The following NAV2 variants were observed in gnomAD, a reference collection of about 807,000 sequenced individuals.
NAV2 encodes helicase, APC down-regulated 1.
In NAV2, 54 loss-of-function variants were observed where a neutral mutation model predicts 223.2. The observed-to-expected ratio is 0.24, with a 90% CI of 0.19 to 0.30. The LOEUF (loss-of-function observed/expected upper bound fraction) is 0.30, where lower values mean the gene tolerates loss of function less well. Among genes scored for constraint, NAV2 ranks in the 10% least tolerant of loss-of-function variants. NAV2 has a pLI of 1.00. For missense variants in NAV2, 2,806 were observed against 3,147.5 expected, an observed-to-expected ratio of 0.89 and a Z score of 2.60; for synonymous variants, 1,279 against 1,239.3, an observed-to-expected ratio of 1.03 and a Z score of -0.67.
At chr11:19,987,589 C>T (rs2050907407) in intron 11 of NAV2, among the ~76,000 whole-genome samples, 1 of 152,234 alleles carries the variant, frequency 6.6e-6, no homozygotes, top group Admixed American at 6.5e-5. Flanking sequence ...CTGTTTGCAG[C>T]AGAATGTGGC....
At chr11:20,106,175 A>ATATATATATATATGTGTGTGTGTG (rs11267537) in intron 35 of NAV2, among the ~76,000 whole-genome samples, 6 of 35,826 alleles carry the variant, frequency 1.7e-4, no homozygotes, top group Admixed American at 3.7e-4. Flanking sequence ...ATATATATAT[A>ATATATATATATATGTGTGTGTGTG]TGTGTGTGTA....
Position 19,713,114 on chromosome 11 carries a change from C to T in NAV2, c.-582C>T, listed in dbSNP as rs974256468. 3.1e-4 allele frequency among the ~76,000 whole-genome samples: 47 copies of T among 151,858 alleles called. 2 individuals carry two copies. Among genetic ancestry groups the T allele is most frequent in the Admixed American group, 3.0e-3 (45 of 15,250 alleles). On this transcript the variant is annotated 5_prime_UTR_variant, in exon 1 of 38. Transcript: ENST00000349880. The surrounding 1 kb of genome is among the most constrained non-coding windows in gnomAD (Gnocchi z 7.2). ...CTCTGCTGCGTCGCGGGTGACACTG[C>T]GGTGCTCGCGAGCAGGGTGGCAGCT... is the stretch of plus-strand genomic sequence containing the variant.
At chr11:19,681,430 C>T (rs1407017802) in intron 1 of NAV2, among the ~76,000 whole-genome samples, 1 of 151,994 alleles carries the variant, frequency 6.6e-6, no homozygotes, top group Non-Finnish European at 1.5e-5. Flanking sequence ...GCGTTTGAAC[C>T]CAGGTCTCTC....
chr11:19,679,291 C>T (rs1406715112), intron 1 of NAV2, among the ~76,000 whole-genome samples: 8 of 152,028 alleles, frequency 5.3e-5, no homozygotes, highest in East Asian at 1.9e-4. Flanking sequence ...TTTATCTGGA[C>T]GTGGTGGCAC....
chr11:19,739,025 A>G (rs111845651), intron 1 of NAV2, among the ~76,000 whole-genome samples: 8 of 151,636 alleles, frequency 5.3e-5, no homozygotes, highest in Middle Eastern at 3.4e-3. Flanking sequence ...TACAAAAAAT[A>G]CAAAAATTAG....
At chr11:19,636,163 T>C (rs2047494223) in intron 1 of NAV2, among the ~76,000 whole-genome samples, 1 of 152,248 alleles carries the variant, frequency 6.6e-6, no homozygotes, top group South Asian at 2.1e-4. Flanking sequence ...GATATGTCTG[T>C]TGTTGTCTTA....
chr11:19,861,675 C>T (rs2061800739), intron 3 of NAV2, among the ~76,000 whole-genome samples: 2 of 152,222 alleles, frequency 1.3e-5, no homozygotes, highest in Admixed American at 1.3e-4. Flanking sequence ...TGTGTTACAT[C>T]CTCTAAATAT....
In NAV2 at chr11:20,106,175, A is replaced by ATATATGTGTG. The variant is rs11267537; in HGVS notation, c.6841+449_6841+450insATATGTGTGT. ...TGTGTGTATATATATATATATATATATGTGTGTGTATATATATATATATAT... is the reference window on the plus strand; with the variant it reads ...TGTGTGTATATATATATATATATATATATATGTGTGTGTGTGTGTATATATATATATATAT... On this transcript the variant is annotated intron_variant, in intron 35 of 37. Coordinates refer to ENST00000349880, the MANE Select transcript of NAV2 (RefSeq NM_145117.5). Among the ~76,000 whole-genome samples the ATATATGTGTG allele has an allele frequency of 1.1e-3, 39 of 35,826 alleles. 8 individuals carry two copies. The South Asian group carries it at 0.011, about 10-fold the overall frequency. The allele number at this position is 35,826 out of a possible 152,430, so 23.5% of individuals were successfully genotyped here.
chr11:19,874,356 A>G (rs1203733370), intron 4 of NAV2, among the ~76,000 whole-genome samples: 1 of 152,246 alleles, frequency 6.6e-6, no homozygotes, highest in Non-Finnish European at 1.5e-5. Context: ...AAGAGAAAGA[A>G]CAGGGCTCCA....
intron 1 of NAV2, among the ~76,000 whole-genome samples, chr11:19,579,094 G>A (rs865901896): frequency 6.6e-6 from 1 of 152,190 alleles, no homozygotes; most frequent in Admixed American, 6.5e-5. Flanking sequence ...GCCATATGAT[G>A]TGTACGTAGG....
intron 1 of NAV2, among the ~76,000 whole-genome samples, chr11:19,398,314 A>T (rs1849547333): frequency 6.6e-6 from 1 of 152,112 alleles, no homozygotes; most frequent in South Asian, 2.1e-4. Context: ...TATTGCTAGG[A>T]GAGCAATGAG....
chr11:19,538,904 T>TATAC (rs57111684), intron 1 of NAV2, among the ~76,000 whole-genome samples: 11,091 of 150,740 alleles, frequency 0.074, 1,390 homozygotes, highest in African/African-American at 0.26. Flanking sequence ...TATATATATA[T>TATAC]ATATCTTTCC....
chr11:20,050,654 G>A (rs188921282), intron 16 of NAV2, among the ~76,000 whole-genome samples: 198 of 151,154 alleles, frequency 1.3e-3, no homozygotes, highest in Non-Finnish European at 1.2e-3. Context: ...CCTTTAAACC[G>A]TTGGTCTTTA....
At chr11:19,475,893 C>T (rs1453191492) in intron 1 of NAV2, among the ~76,000 whole-genome samples, 1 of 152,250 alleles carries the variant, frequency 6.6e-6, no homozygotes, top group Non-Finnish European at 1.5e-5. Flanking sequence ...GTGGCTGCCC[C>T]TTGGCTCCAG....
At chr11:19,630,013 A>G (rs2047299980) in intron 1 of NAV2, among the ~76,000 whole-genome samples, 1 of 151,070 alleles carries the variant, frequency 6.6e-6, no homozygotes, top group Non-Finnish European at 1.5e-5. Context: ...GGGCCGCTAC[A>G]TGTTTCCCCA....
In NAV2 at chr11:20,095,727, A is replaced by T; in HGVS notation, c.5972A>T (p.Lys1991Met). The change falls in exon 30 of 38, where the codon AAG becomes ATG. Residue 1991 changes from lysine to methionine, a missense_variant. Transcript: ENST00000349880. ...IGCIGVSGKTKWDVLDGVVRR... is the reference protein window; with the variant it reads ...IGCIGVSGKTMWDVLDGVVRR... ...TGCATTGGAGTTAGTGGCAAGACGA[A>T]GTGGGATGTGCTCGATGGGGTGGTT... 1 of 1,614,122 alleles carries T rather than the reference A, an allele frequency of 6.2e-7. No individual in the cohort carries two copies. The highest frequency in any genetic ancestry group is 1.7e-5 in the Admixed American group (1 of 60,016).
chr11:20,007,763 G>T (rs1365351990), intron 11 of NAV2, among the ~76,000 whole-genome samples: 1 of 152,174 alleles, frequency 6.6e-6, no homozygotes, highest in East Asian at 1.9e-4. Context: ...GGAGAATGGA[G>T]TGGTGGTACT....
intron 1 of NAV2, among the ~76,000 whole-genome samples, chr11:19,653,814 G>A (rs191908028): frequency 2.5e-4 from 38 of 152,212 alleles, no homozygotes; most frequent in South Asian, 1.7e-3. Context: ...CCATGGTAAC[G>A]CATCCCAGCT....
chr11:19,636,513 C>T (rs1326275232), intron 1 of NAV2, among the ~76,000 whole-genome samples: 15 of 142,222 alleles, frequency 1.1e-4, no homozygotes, highest in African/African-American at 2.6e-4. Flanking sequence ...TTTTTTGAGA[C>T]GGAGTCTCGC....
Sources: gnomAD v4.1 joint callset for allele counts (sites outside exome capture counted in the v4.1 genomes callset) on GRCh38, gnomAD v4.1.1 for gene constraint, Gnocchi (gnomAD v3.1) non-coding constraint, MANE v1.5 for transcripts, NCBI Gene and HGNC (gene_info 2026-07-23, HGNC 2026-07-21) for gene names.